TRPM2: variants seen among roughly 807,000 people sequenced by gnomAD.
TRPM2 encodes the protein transient receptor potential cation channel subfamily M member 2.
TRPM2 carries 161 observed loss-of-function variants against 174.0 expected under a neutral mutation model. That is an observed-to-expected ratio of 0.93 (90% confidence interval 0.81 to 1.05). The LOEUF is 1.05. TRPM2 is among the 50% of genes least tolerant of loss of function. The pLI, the probability that TRPM2 is intolerant of heterozygous loss-of-function variation, is 0.00. For synonymous variants in TRPM2, 954 were observed against 861.3 expected (o/e 1.11, Z -1.88); for missense variants, 2,057 against 2,038.0 (o/e 1.01, Z -0.18).
intron 20 of TRPM2, among the ~76,000 whole-genome samples, chr21:44,414,306 G>C (rs929465980): frequency 9.8e-5 from 15 of 152,364 alleles, no homozygotes; most frequent in Admixed American, 6.5e-4. Flanking sequence ...TGTCCTTGTG[G>C]CTGCTGGGGA....
At position 44,399,209 on chromosome 21, in the gene TRPM2, T is replaced by TGTCCCGAGTGGTTGCC; in HGVS notation, c.2063-86_2063-71dup. Reference sequence around the variant, plus strand: ...GCCCTTCCCTGTGTCCTGGTGGTGCTGTCCCGAGTGGTTGCCCTCTGACCC... The same window carrying TGTCCCGAGTGGTTGCC: ...GCCCTTCCCTGTGTCCTGGTGGTGCTGTCCCGAGTGGTTGCCGTCCCGAGTGGTTGCCCTCTGACCC... On this transcript the variant is annotated intron_variant, in intron 13 of 31. Transcript: ENST00000397928. The surrounding 1 kb of genome is among the most constrained non-coding windows in gnomAD (Gnocchi z 4.6). 2.0e-6 allele frequency: 3 copies of TGTCCCGAGTGGTTGCC among 1,498,338 alleles called. No individual in the cohort carries two copies. The South Asian group carries it at 3.9e-5, about 20-fold the overall frequency. 92.8% of individuals were successfully genotyped at this position (1,498,338 alleles called of 1,614,324 possible). A position where few individuals can be genotyped will look rare whatever the true frequency, so the allele number is the denominator to read the frequency against.
rs1272536673 is a variant in TRPM2, at chr21:44,354,691, A to G, written c.209A>G (p.Lys70Arg). The G allele has an allele frequency of 6.2e-7, 1 of 1,614,086 alleles. No individual in the cohort carries two copies. The highest frequency in any genetic ancestry group is 8.5e-7 in the Non-Finnish European group (1 of 1,180,038). The part of the protein sequence containing the change: ...SSWIPENIKK[K>R]ECVYFVESSK... ...TGGATTCCTGAAAACATCAAGAAGA[A>G]AGAATGCGTGTATTTTGTGGAAAGT... The change falls in exon 2 of 32, where the codon AAA becomes AGA. Residue 70 changes from lysine (K) to arginine (R), a missense_variant. By Grantham distance (26) the Lys-to-Arg change is conservative. Coordinates refer to ENST00000397928, the MANE Select transcript of TRPM2 (RefSeq NM_003307.4). This position sits in a 1 kb window ranked among gnomAD's most constrained non-coding sequence, Gnocchi z 4.3.
chr21:44,400,461 C>T (rs1232456531), intron 15 of TRPM2, 90 bp downstream of exon 15: 7 of 1,100,722 alleles, frequency 6.4e-6, no homozygotes, highest in Admixed American at 4.4e-5. Context: ...TAGATCCCCT[C>T]GCTGGGAGCA....
chr21:44,374,013 CTCTT>C (rs1314985063), intron 5 of TRPM2, among the ~76,000 whole-genome samples: 2 of 151,278 alleles, frequency 1.3e-5, no homozygotes, highest in East Asian at 1.9e-4. Flanking sequence ...CTCTCTCTCT[CTCTT>C]TTTTTTTTTT....
chr21:44,406,485 G>A, intron 18 of TRPM2, 109 bp from the exon 19 acceptor site: 2 of 1,341,586 alleles, frequency 1.5e-6, no homozygotes, highest in South Asian at 2.9e-5. Context: ...TGCATGCCGT[G>A]TCTGTGCTGT....
chr21:44,436,957 TG>T, intron 28 of TRPM2, 104 bp from the exon 29 acceptor site: 1 of 926,984 alleles, frequency 1.1e-6, no homozygotes, highest in Non-Finnish European at 1.6e-6. Flanking sequence ...GAGCCTGCAG[TG>T]GGCCTGACAC....
chr21:44,426,713 G>T lies in TRPM2; in HGVS notation c.3849G>T (p.Ala1283=). The change falls in exon 26 of 32, where the codon GCG becomes GCT. Residue 1283 remains alanine, a synonymous_variant. Transcript: ENST00000397928. ...PPFYTAERKD[A]AAMDPMGDTL... ...TTTACACGGCAGAGAGGAAGGACGC[G>T]GCCGCCATGGACCCCATGGGAGAGT... 6.2e-7 allele frequency: 1 copy of T among 1,614,072 alleles called. No individual in the cohort carries two copies. Among genetic ancestry groups the T allele is most frequent in the Non-Finnish European group, 8.5e-7 (1 of 1,179,994 alleles).
At chr21:44,402,069 A>AGCCCCTCCCTCCTCAT (rs1377297565) in intron 16 of TRPM2, among the ~76,000 whole-genome samples, 172 bp downstream of exon 16, 5 of 152,002 alleles carry the variant, frequency 3.3e-5, no homozygotes, top group African/African-American at 1.2e-4. Flanking sequence ...CTGCCCTCCA[A>AGCCCCTCCCTCCTCAT]GCCCCTCCCT....
intron 5 of TRPM2, among the ~76,000 whole-genome samples, chr21:44,370,753 T>G (rs536617079): frequency 6.6e-6 from 1 of 152,352 alleles, no homozygotes; most frequent in East Asian, 1.9e-4. Context: ...GGGGTCGGAC[T>G]GGACCAGCTG....
Position 44,432,097 on chromosome 21 carries a change from C to T in TRPM2, c.3975-3034C>T, listed in dbSNP as rs9637162. 2.6e-5 allele frequency among the ~76,000 whole-genome samples: 4 copies of T among 152,350 alleles called. No individual in the cohort carries two copies. The East Asian group carries it at 5.8e-4, about 22-fold the overall frequency. On this transcript the variant is annotated intron_variant, in intron 27 of 31. Transcript: ENST00000397928. This position sits in a 1 kb window ranked among gnomAD's most constrained non-coding sequence, Gnocchi z 4.9. ...TCTGGTATAGGAGTGACTGTCCCCA[C>T]GTCTGTCTGGGGCCAGCCCCCTCAC...
In TRPM2 at chr21:44,367,511, C is replaced by T. The variant is rs1346293531; in HGVS notation, c.604+577C>T. Among the ~76,000 whole-genome samples, 1 of 152,196 alleles carries T rather than the reference C, an allele frequency of 6.6e-6. No homozygotes were observed. The highest frequency in any genetic ancestry group is 1.5e-5 in the Non-Finnish European group (1 of 68,038). On this transcript the variant is annotated intron_variant, in intron 4 of 31. Coordinates refer to ENST00000397928, the MANE Select transcript of TRPM2 (RefSeq NM_003307.4). This position sits in a 1 kb window ranked among gnomAD's most constrained non-coding sequence, Gnocchi z 4.6. ...ACCACTGGTGAGAGCCAGGCAGGGA[C>T]CCAGTCCTGGTGGATGGTGTGAGAT...
chr21:44,371,726 G>T (rs568743144), intron 5 of TRPM2, among the ~76,000 whole-genome samples: 1 of 152,188 alleles, frequency 6.6e-6, no homozygotes, highest in East Asian at 1.9e-4. Flanking sequence ...AGCACTTACC[G>T]GGTCCATGAG....
intron 11 of TRPM2, among the ~76,000 whole-genome samples, chr21:44,392,491 C>T (rs938872860): frequency 1.3e-5 from 2 of 151,582 alleles, no homozygotes; most frequent in Non-Finnish European, 2.9e-5. Context: ...GTCTCAAACT[C>T]CGGGGCTCAA....
At chr21:44,422,434 CT>C (rs2050585668) in intron 22 of TRPM2, 4 of 1,535,388 alleles carry the variant, frequency 2.6e-6, no homozygotes, top group Non-Finnish European at 3.5e-6. Flanking sequence ...GGTTAAGCGG[CT>C]TTTGTGGGAT....
intron 11 of TRPM2, 96 bp from the exon 12 acceptor site, chr21:44,395,318 C>A: frequency 6.9e-7 from 1 of 1,454,444 alleles, no homozygotes; most frequent in Non-Finnish European, 9.2e-7. Context: ...CTGAGAAGGT[C>A]GGGGCTGGGG....
chr21:44,360,034 C>T (rs1007389642), intron 2 of TRPM2, among the ~76,000 whole-genome samples: 2 of 152,242 alleles, frequency 1.3e-5, no homozygotes. Flanking sequence ...GCATGAGGCA[C>T]CATGCCCAGC....
At chr21:44,425,121 C>T in intron 24 of TRPM2, 182 bp downstream of exon 24, 2 of 604,084 alleles carry the variant, frequency 3.3e-6, no homozygotes, top group Non-Finnish European at 5.8e-6. Flanking sequence ...GACGCTGGCG[C>T]CGAGGCCCCG....
rs765972687 is a variant in TRPM2 at position 44,375,988 on chromosome 21, A to T, written c.927A>T (p.Ile309=). 2 of 1,613,894 alleles carry T rather than the reference A, an allele frequency of 1.2e-6. No individual in the cohort carries two copies. The highest frequency in any genetic ancestry group is 2.7e-5 in the African/African-American group (2 of 74,928). ...IPLRTRLEKF[I]SEQTKERGGV... is the part of the protein sequence containing the mutation. The stretch of plus-strand genomic sequence containing the variant: ...TGAGGACCAGGCTGGAGAAGTTCAT[A>T]TCGGAGCAGACCAAGGAAAGAGGAG... Residue 309 remains isoleucine, a synonymous_variant, in exon 6 of 32, where the codon ATA becomes ATT. Transcript: ENST00000397928.
chr21:44,391,141 G>A lies in TRPM2; in HGVS notation c.1440+116G>A. The A allele has an allele frequency of 1.3e-6, 2 of 1,560,408 alleles. No individual in the cohort carries two copies. The highest frequency in any genetic ancestry group is 2.4e-5 in the South Asian group (2 of 83,504). On this transcript the variant is annotated intron_variant, in intron 10 of 31. Transcript: ENST00000397928. The surrounding 1 kb of genome is among the most constrained non-coding windows in gnomAD (Gnocchi z 5.0). ...GGATCCCAGCCCTTCCCTTGAGGGT[G>A]GGTGACCTGGGCAGCTTTCATCCTC... is the stretch of plus-strand genomic sequence containing the variant.
Sources: allele counts gnomAD v4.1 joint callset (sites outside exome capture counted in the v4.1 genomes callset), GRCh38; gene constraint gnomAD v4.1.1; non-coding constraint Gnocchi (gnomAD v3.1); transcripts MANE v1.5; gene names NCBI Gene and HGNC (gene_info 2026-07-23, HGNC 2026-07-21).